The following POLDIP2 variants were observed in gnomAD, a reference collection of about 807,000 sequenced individuals.
POLDIP2 encodes the protein polymerase delta-interacting protein 2.
POLDIP2 carries 32 observed loss-of-function variants against 52.9 expected under a neutral mutation model. The observed-to-expected ratio is 0.61, with a 90% CI of 0.46 to 0.81. The LOEUF (loss-of-function observed/expected upper bound fraction) is 0.81, where lower values mean the gene tolerates loss of function less well. Ranked by LOEUF, POLDIP2 falls within the 40% of genes least tolerant of loss-of-function variation. The pLI is 0.00. For synonymous variants in POLDIP2, 183 were observed against 183.0 expected, an observed-to-expected ratio of 1.00 and a Z score of 0.00; for missense variants, 371 against 477.3, an observed-to-expected ratio of 0.78 and a Z score of 2.07.
intron 9 of POLDIP2, 145 bp downstream of exon 9, chr17:28,350,293 A>G (rs2142394229): frequency 1.6e-6 from 1 of 629,194 alleles, no homozygotes; most frequent in Non-Finnish European, 2.6e-6. Flanking sequence ...TATCTCATGT[A>G]GTTGTTTTAA....
chr17:28,350,587 G>A, intron 8 of POLDIP2, 24 bp from the exon 9 acceptor site: 1 of 1,598,462 alleles, frequency 6.3e-7, no homozygotes, highest in South Asian at 1.1e-5. Context: ...GGGAGAGAGA[G>A]TTTAAAAAAA....
In POLDIP2 at chr17:28,348,213, T is replaced by C. The variant is rs1295021363; in HGVS notation, c.1011A>G (p.Glu337=). 5.6e-6 allele frequency: 9 copies of C among 1,613,436 alleles called. No homozygotes were observed. The African/African-American group carries it at 6.7e-5, about 12-fold the overall frequency. The change falls in exon 11 of 11, where the codon GAA becomes GAG. Residue 337 remains glutamate, a synonymous_variant. Transcript: ENST00000540200. ...SGHMWGTFRF[E]RPDGSHFDVR... ...CATCAAAGTGGGAGCCATCAGGTCT[T>C]TCAAAGCGGAACGTGCCCCTACAGT...
At position 28,348,219 on chromosome 17, in the gene POLDIP2, G is replaced by A; in HGVS notation, c.1005C>T (p.Arg335=). The A allele has an allele frequency of 1.2e-6, 2 of 1,612,328 alleles. No homozygotes were observed. The highest frequency in any genetic ancestry group is 1.7e-6 in the Non-Finnish European group (2 of 1,178,384). ...AGTGGGAGCCATCAGGTCTTTCAAA[G>A]CGGAACGTGCCCCTACAGTCAGAAA... is the stretch of plus-strand genomic sequence containing the variant. ...ASSGHMWGTF[R]FERPDGSHFD... The change falls in exon 11 of 11, where the codon CGC becomes CGT. Residue 335 remains arginine, a synonymous_variant. Transcript: ENST00000540200.
intron 1 of POLDIP2, 27 bp from the exon 2 acceptor site, chr17:28,355,903 A>C (rs376177683): frequency 3.2e-6 from 5 of 1,564,954 alleles, no homozygotes; most frequent in Non-Finnish European, 3.5e-6. Flanking sequence ...AGAACAAGCA[A>C]CAGAAAAGCT....
chr17:28,352,514 G>A (rs1597800677), intron 6 of POLDIP2, among the ~76,000 whole-genome samples: 1 of 146,274 alleles, frequency 6.8e-6, no homozygotes, highest in African/African-American at 2.5e-5. Context: ...GGAGTTATAG[G>A]CGTGAGCCAC....
At chr17:28,351,864 TCA>T in intron 6 of POLDIP2, 64 bp from the exon 7 acceptor site, 1 of 1,468,836 alleles carries the variant, frequency 6.8e-7, no homozygotes, top group Admixed American at 1.7e-5. Flanking sequence ...TCTAGTCCAA[TCA>T]CACAATAGTC....
chr17:28,355,929 G>A (rs1908009849), intron 1 of POLDIP2, 53 bp from the exon 2 acceptor site: 14 of 1,415,166 alleles, frequency 9.9e-6, no homozygotes, highest in Non-Finnish European at 1.3e-5. Context: ...GGTAATGGTA[G>A]TTATCCATAA....
chr17:28,356,318 G>C (rs1908026308), intron 1 of POLDIP2, among the ~76,000 whole-genome samples: 1 of 151,762 alleles, frequency 6.6e-6, no homozygotes, highest in Non-Finnish European at 1.5e-5. Context: ...TTACATTTCA[G>C]TTGTGTCCAT....
intron 3 of POLDIP2, 122 bp downstream of exon 3, chr17:28,354,366 A>T: frequency 1.4e-6 from 1 of 696,402 alleles, no homozygotes; most frequent in Non-Finnish European, 2.5e-6. Context: ...AGTCCCAGAG[A>T]AGTACTCTGG....
chr17:28,354,814 C>T (rs1040801728), intron 2 of POLDIP2, among the ~76,000 whole-genome samples: 2 of 152,186 alleles, frequency 1.3e-5, no homozygotes, highest in Admixed American at 1.3e-4. Flanking sequence ...GGAAGCCTTC[C>T]CTGACCTCCC....
At chr17:28,353,463 A>AGTGAGCT in intron 4 of POLDIP2, 147 bp from the exon 5 acceptor site, 1 of 568,046 alleles carries the variant, frequency 1.8e-6, no homozygotes, top group South Asian at 1.7e-5. Context: ...CAGAGGTTGC[A>AGTGAGCT]GTGAGCTGAG....
Position 28,351,592 on chromosome 17 carries a change from G to A in POLDIP2, c.759+72C>T, listed in dbSNP as rs115359011. 1,124 of 1,405,816 alleles carry A rather than the reference G, an allele frequency of 8.0e-4. 11 individuals carry two copies. The African/African-American group carries it at 0.014, about 18-fold the overall frequency. 87.1% of individuals were successfully genotyped at this position (1,405,816 alleles called of 1,614,324 possible). ...GTTTATATTTAGACTCCCTTCCCCC[G>A]GCAGTCACCTTAAGGACACCATACA... On this transcript the variant is annotated intron_variant, in intron 7 of 10. Transcript: ENST00000540200.
chr17:28,347,888 T>A lies in POLDIP2; in HGVS notation c.*229A>T, dbSNP rs781922822. 1.9e-6 allele frequency: 1 copy of A among 517,696 alleles called. No homozygotes were observed. The highest frequency in any genetic ancestry group is 1.9e-5 in the African/African-American group (1 of 51,566). 32.1% of individuals were successfully genotyped at this position (517,696 alleles called of 1,614,324 possible). A position where few individuals can be genotyped will look rare whatever the true frequency, so the allele number is the denominator to read the frequency against. On this transcript the variant is annotated 3_prime_UTR_variant, in exon 11 of 11. Coordinates refer to ENST00000540200, the MANE Select transcript of POLDIP2 (RefSeq NM_015584.5). ...GAACACAGTTCCTTGGTGGAGAGGT[T>A]TACTGGAACATGGTGTAGGCAGGGC...
intron 1 of POLDIP2, 83 bp downstream of exon 1, chr17:28,357,205 G>A (rs534485672): frequency 4.5e-4 from 587 of 1,296,898 alleles, no homozygotes; most frequent in Non-Finnish European, 5.8e-4. Context: ...AGCAGGCCCG[G>A]GCCCCTGGCC....
At chr17:28,356,677 G>A (rs1413825985) in intron 1 of POLDIP2, among the ~76,000 whole-genome samples, 1 of 152,052 alleles carries the variant, frequency 6.6e-6, no homozygotes, top group Non-Finnish European at 1.5e-5. Flanking sequence ...TCTTTCTAGG[G>A]GCCCTTCAAA....
In POLDIP2 at chr17:28,349,013, C is replaced by G. The variant is rs1907694640; in HGVS notation, c.992+70G>C. The G allele has an allele frequency of 3.7e-6, 4 of 1,085,632 alleles. No individual in the cohort carries two copies. In the South Asian group the frequency reaches 5.4e-5, roughly 15 times the overall value. The allele number at this position is 1,085,632 out of a possible 1,614,324, so 67.2% of individuals were successfully genotyped here. Reference sequence around the variant, plus strand: ...CAGAGTTAATGGCAAGCTCTAAGCTCTCACTTTTCTGACCTACAGCTTCTG... The same window carrying G: ...CAGAGTTAATGGCAAGCTCTAAGCTGTCACTTTTCTGACCTACAGCTTCTG... On this transcript the variant is annotated intron_variant, in intron 10 of 10. Transcript: ENST00000540200.
intron 8 of POLDIP2, 99 bp from the exon 9 acceptor site, chr17:28,350,662 C>G: frequency 6.4e-7 from 1 of 1,557,048 alleles, no homozygotes; most frequent in African/African-American, 1.4e-5. Context: ...CTGACACATG[C>G]ACTGCACAGG....
chr17:28,353,520 CAAAA>C (rs71135829), intron 4 of POLDIP2, among the ~76,000 whole-genome samples, 171 bp downstream of exon 4: 1 of 54,814 alleles, frequency 1.8e-5, no homozygotes. Context: ...GACTCCATAT[CAAAA>C]AAAAAAAAAA....
chr17:28,350,727 AC>A (rs1555579816), intron 8 of POLDIP2, 38 bp downstream of exon 8: 2 of 1,591,948 alleles, frequency 1.3e-6, no homozygotes, highest in South Asian at 1.1e-5. Flanking sequence ...CCCCAGGCAC[AC>A]CCCACAAGCT....
Sources: gnomAD v4.1 joint callset for allele counts (sites outside exome capture counted in the v4.1 genomes callset) on GRCh38, gnomAD v4.1.1 for gene constraint, MANE v1.5 for transcripts, NCBI Gene and HGNC (gene_info 2026-07-23, HGNC 2026-07-21) for gene names.